LIPI: variants seen among roughly 807,000 people sequenced by gnomAD.
The protein encoded by LIPI is lipase member I.
LIPI carries 59 observed loss-of-function variants against 50.6 expected under a neutral mutation model. That is an observed-to-expected ratio of 1.16 (90% CI 0.94 to 1.45). LIPI has a LOEUF of 1.45. LIPI is among the 40% of genes most tolerant of loss of function. The pLI is 0.00. For synonymous variants in LIPI, 203 were observed against 178.2 expected (o/e 1.14, Z -1.11); for missense variants, 586 against 536.3 (o/e 1.09, Z -0.92).
At chr21:14,195,418 C>T (rs2019811821) in intron 1 of LIPI, among the ~76,000 whole-genome samples, 1 of 152,098 alleles carries the variant, frequency 6.6e-6, no homozygotes, top group South Asian at 2.1e-4. Context: ...CCAGAATGGT[C>T]AGACTTTAGT....
chr21:14,146,164 T>C (rs2017896658), intron 8 of LIPI, among the ~76,000 whole-genome samples: 1 of 152,116 alleles, frequency 6.6e-6, no homozygotes, highest in African/African-American at 2.4e-5. Flanking sequence ...AAGGCCTGTA[T>C]GCTAAGTTTT....
intron 3 of LIPI, 77 bp downstream of exon 3, chr21:14,185,882 CAA>C (rs200600449): frequency 6.1e-4 from 439 of 714,758 alleles, no homozygotes; most frequent in Admixed American, 8.4e-4. Context: ...GACTCTGTCT[CAA>C]AAAAAAAAAA....
chr21:14,183,886 A>C (rs933471015), intron 3 of LIPI, among the ~76,000 whole-genome samples: 4 of 152,234 alleles, frequency 2.6e-5, no homozygotes, highest in Admixed American at 2.6e-4. Flanking sequence ...TGGGACTGTA[A>C]ACTAGTTCAA....
intron 7 of LIPI, among the ~76,000 whole-genome samples, chr21:14,157,685 G>A (rs558122844): frequency 3.4e-4 from 51 of 151,830 alleles, no homozygotes; most frequent in Non-Finnish European, 6.8e-4. Flanking sequence ...GAAGAAGGGG[G>A]TGAAAGAAAG....
chr21:14,133,074 A>G (rs369256901), intron 9 of LIPI, among the ~76,000 whole-genome samples: 3 of 152,296 alleles, frequency 2.0e-5, no homozygotes, highest in East Asian at 3.9e-4. Context: ...AATTCTACCA[A>G]ACACACAAGA....
chr21:14,115,513 T>C (rs1363215949), intron 9 of LIPI, among the ~76,000 whole-genome samples: 1 of 152,126 alleles, frequency 6.6e-6, no homozygotes. Flanking sequence ...ATCTCTCTTA[T>C]CTCTGATTGC....
At chr21:14,203,217 C>T (rs1427895471) in intron 1 of LIPI, among the ~76,000 whole-genome samples, 8 of 152,078 alleles carry the variant, frequency 5.3e-5, no homozygotes, top group Middle Eastern at 3.4e-3. Context: ...GAAATAGGAA[C>T]ACTTTTACAC....
chr21:14,203,633 AT>A (rs2020137336), intron 1 of LIPI, among the ~76,000 whole-genome samples: 1 of 152,132 alleles, frequency 6.6e-6, no homozygotes, highest in South Asian at 2.1e-4. Flanking sequence ...GAATTGAACA[AT>A]GAGAACACAT....
intron 4 of LIPI, among the ~76,000 whole-genome samples, chr21:14,175,087 T>G (rs1261245428): frequency 6.6e-6 from 1 of 152,202 alleles, no homozygotes; most frequent in Non-Finnish European, 1.5e-5. Context: ...CATTCTCCTA[T>G]TGTGGTGCAT....
intron 6 of LIPI, among the ~76,000 whole-genome samples, chr21:14,164,874 G>A (rs1315868137): frequency 6.6e-6 from 1 of 152,096 alleles, no homozygotes; most frequent in Non-Finnish European, 1.5e-5. Flanking sequence ...AAAAACCTCA[G>A]TGTTGCCAAG....
intron 3 of LIPI, 27 bp downstream of exon 3, chr21:14,185,934 G>T: frequency 8.1e-7 from 1 of 1,240,348 alleles, no homozygotes; most frequent in Non-Finnish European, 1.2e-6. Flanking sequence ...GTATGCTAAA[G>T]CAATAATTTT....
At chr21:14,121,910 G>T (rs950457476) in intron 9 of LIPI, among the ~76,000 whole-genome samples, 11 of 152,316 alleles carry the variant, frequency 7.2e-5, no homozygotes, top group Non-Finnish European at 1.6e-4. Flanking sequence ...TTGAGGAAAC[G>T]TCAAGCCCTG....
intron 9 of LIPI, among the ~76,000 whole-genome samples, chr21:14,134,967 A>C (rs940143558): frequency 2.0e-5 from 3 of 152,192 alleles, no homozygotes; most frequent in Non-Finnish European, 4.4e-5. Context: ...AAGCTTCTAC[A>C]CAAAAAAGAA....
intron 1 of LIPI, among the ~76,000 whole-genome samples, chr21:14,209,626 A>G (rs1288158624): frequency 6.6e-6 from 1 of 152,192 alleles, no homozygotes; most frequent in Non-Finnish European, 1.5e-5. Flanking sequence ...CACAAGAATT[A>G]GCAGACAGAA....
chr21:14,156,701 CT>C (rs778364847), intron 7 of LIPI, among the ~76,000 whole-genome samples: 1 of 151,778 alleles, frequency 6.6e-6, no homozygotes, highest in African/African-American at 2.4e-5. Flanking sequence ...GGAAAAGTGG[CT>C]TCTAAATTAG....
At chr21:14,200,393 G>GAAC (rs927631110) in intron 1 of LIPI, among the ~76,000 whole-genome samples, 10 of 151,852 alleles carry the variant, frequency 6.6e-5, no homozygotes, top group African/African-American at 2.4e-4. Flanking sequence ...TGATAAAGAA[G>GAAC]AACTTCAGCA....
chr21:14,132,087 C>T (rs181811962), intron 9 of LIPI, among the ~76,000 whole-genome samples: 71 of 152,168 alleles, frequency 4.7e-4, no homozygotes, highest in African/African-American at 1.5e-3. Context: ...AGTGACCAAA[C>T]GTATTAATTA....
At chr21:14,170,890 A>C (rs900302238) in intron 4 of LIPI, among the ~76,000 whole-genome samples, 14 of 151,796 alleles carry the variant, frequency 9.2e-5, no homozygotes, top group African/African-American at 3.4e-4. Flanking sequence ...GAAGGAAATA[A>C]AGGGTATTCA....
intron 8 of LIPI, among the ~76,000 whole-genome samples, chr21:14,145,596 A>G (rs2017874690): frequency 6.6e-6 from 1 of 152,130 alleles, no homozygotes; most frequent in African/African-American, 2.4e-5. Context: ...AGAAGGAGGA[A>G]GAAGAGGTGT....
Sources: gnomAD v4.1 joint callset for allele counts (sites outside exome capture counted in the v4.1 genomes callset) on GRCh38, gnomAD v4.1.1 for gene constraint, MANE v1.5 for transcripts, NCBI Gene and HGNC (gene_info 2026-07-23, HGNC 2026-07-21) for gene names.